Variants in STKLD1 observed in about 807,000 individuals in gnomAD.
STKLD1 encodes the protein serine/threonine kinase like domain containing 1, also known as serine/threonine kinase-like domain-containing protein STKLD1.
A neutral mutation model predicts 80.4 loss-of-function variants in STKLD1; 79 were observed. The observed-to-expected ratio is 0.98, with a 90% CI of 0.82 to 1.19. STKLD1 has a LOEUF of 1.19. STKLD1 is among the 50% of genes most tolerant of loss of function. The pLI, the probability that STKLD1 is intolerant of heterozygous loss-of-function variation, is 0.00. For synonymous variants in STKLD1, 393 were observed against 357.6 expected, an observed-to-expected ratio of 1.10 and a Z score of -1.12; for missense variants, 841 against 856.0, an observed-to-expected ratio of 0.98 and a Z score of 0.22.
chr9:133,395,934 G>A (rs1050964095), intron 9 of STKLD1, 171 bp downstream of exon 9: 35 of 659,624 alleles, frequency 5.3e-5, no homozygotes, highest in South Asian at 2.0e-4. Flanking sequence ...CTCCCAAACC[G>A]TGCTGCGGCG....
At chr9:133,387,201 G>C (rs1480417825) in intron 4 of STKLD1, among the ~76,000 whole-genome samples, 1 of 152,218 alleles carries the variant, frequency 6.6e-6, no homozygotes, top group East Asian at 1.9e-4. Flanking sequence ...GACAAGTGCA[G>C]CTTTTGGGAA....
chr9:133,396,884 G>A (rs1028341763), intron 9 of STKLD1, among the ~76,000 whole-genome samples: 1 of 152,144 alleles, frequency 6.6e-6, no homozygotes, highest in Non-Finnish European at 1.5e-5. Flanking sequence ...GGAGGCAGGG[G>A]ACAAGAGCAA....
rs2130274093 is a variant in STKLD1, at chr9:133,385,242, G to A, written c.220-375G>A. ...AGGGCAGGGGCACCGGGACCTCTCC[G>A]TGTGCCCACCTCCCGGTGTCTGCAC... On this transcript the variant is annotated intron_variant, in intron 3 of 17. Transcript: ENST00000371957. This position sits in a 1 kb window ranked among gnomAD's most constrained non-coding sequence, Gnocchi z 4.9. Among the ~76,000 whole-genome samples, 829 of 152,272 alleles carry A rather than the reference G, an allele frequency of 5.4e-3. 8 individuals are homozygous for A. The highest frequency in any genetic ancestry group is 0.019 in the African/African-American group (781 of 41,540).
At chr9:133,397,076 G>T in intron 9 of STKLD1, 88 bp from the exon 10 acceptor site, 2 of 1,575,958 alleles carry the variant, frequency 1.3e-6, no homozygotes, top group South Asian at 2.3e-5. Flanking sequence ...CCAATGGGCA[G>T]CCCGGAGCCA....
At chr9:133,391,407 T>G (rs1300939507) in intron 7 of STKLD1, among the ~76,000 whole-genome samples, 3 of 150,486 alleles carry the variant, frequency 2.0e-5, no homozygotes, top group Admixed American at 6.6e-5. Context: ...GCAATGGCGG[T>G]TTTGTGGAAT....
At chr9:133,382,710 G>A (rs2130270886) in intron 2 of STKLD1, among the ~76,000 whole-genome samples, 1 of 151,604 alleles carries the variant, frequency 6.6e-6, no homozygotes, top group Non-Finnish European at 1.5e-5. Flanking sequence ...TAATAGTGGG[G>A]ATGGTGACAG....
In STKLD1 at chr9:133,384,167, G is replaced by A. The variant is rs1350365307; in HGVS notation, c.219+267G>A. On this transcript the variant is annotated intron_variant, in intron 3 of 17. Transcript: ENST00000371957. This position sits in a 1 kb window ranked among gnomAD's most constrained non-coding sequence, Gnocchi z 4.3. Reference sequence around the variant, plus strand: ...AAAATTTAAATATTGGGCTGGGCACGGTGGCTCACATTTGTAATCCCACCA... The same window carrying A: ...AAAATTTAAATATTGGGCTGGGCACAGTGGCTCACATTTGTAATCCCACCA... 2.1e-5 allele frequency: 9 copies of A among 421,136 alleles called. No homozygotes were observed. The highest frequency in any genetic ancestry group is 3.5e-5 in the Non-Finnish European group (8 of 230,436). The allele number at this position is 421,136 out of a possible 1,614,324, so 26.1% of individuals were successfully genotyped here. A position where few individuals can be genotyped will look rare whatever the true frequency, so the allele number is the denominator to read the frequency against.
intron 14 of STKLD1, among the ~76,000 whole-genome samples, 168 bp from the exon 15 acceptor site, chr9:133,403,532 G>C (rs1425055202): frequency 4.6e-5 from 7 of 152,208 alleles, no homozygotes; most frequent in Non-Finnish European, 8.8e-5. Flanking sequence ...GATTCTCCAA[G>C]CCTCTCCTGG....
At chr9:133,392,116 G>A (rs1437256683) in intron 7 of STKLD1, among the ~76,000 whole-genome samples, 1 of 141,944 alleles carries the variant, frequency 7.0e-6, no homozygotes, top group Non-Finnish European at 1.5e-5. Flanking sequence ...TCGCTCTGTC[G>A]CCCAGGCTGG....
At chr9:133,379,219 C>G in intron 2 of STKLD1, 97 bp downstream of exon 2, 1 of 1,053,114 alleles carries the variant, frequency 9.5e-7, no homozygotes, top group South Asian at 1.5e-5. Flanking sequence ...CTTCCTGATG[C>G]GGCAGCTGGA....
In STKLD1 at chr9:133,402,880, T is replaced by A; in HGVS notation, c.1342T>A (p.Ser448Thr). The change falls in exon 14 of 18, where the codon TCA (serine) becomes ACA (threonine). Residue 448 changes from serine (S) to threonine (T), a missense_variant and splice_region_variant. By Grantham distance (58) the Ser-to-Thr change is moderately conservative. Transcript: ENST00000371957. ...SLLAITTTQE[S>T]ESLSEELQNA... ...CCCTCATTCTGGCTCACCCACAGAGTCAGAGTCACTGTCAGAGGAGCTGCA... is the reference window on the plus strand; with the variant it reads ...CCCTCATTCTGGCTCACCCACAGAGACAGAGTCACTGTCAGAGGAGCTGCA... 6.3e-7 allele frequency: 1 copy of A among 1,596,140 alleles called. No homozygotes were observed. Among genetic ancestry groups the A allele is most frequent in the Non-Finnish European group, 8.5e-7 (1 of 1,171,762 alleles).
intron 9 of STKLD1, 55 bp from the exon 10 acceptor site, chr9:133,397,109 G>C: frequency 6.2e-7 from 1 of 1,608,874 alleles, no homozygotes; most frequent in East Asian, 2.2e-5. Context: ...GAGCCCCACG[G>C]GGAGGTGGCA....
chr9:133,378,302 G>A (rs1361331326), intron 1 of STKLD1, among the ~76,000 whole-genome samples: 1 of 152,090 alleles, frequency 6.6e-6, no homozygotes, highest in Non-Finnish European at 1.5e-5. Context: ...CTCCTCCTCT[G>A]GGTCCTGCCC....
rs148243189 is a variant in STKLD1, at chr9:133,389,526, T to C, written c.397T>C (p.Trp133Arg). ...RKAKKIIDSEWMQNVLGQVLD... is the reference protein window; with the variant it reads ...RKAKKIIDSERMQNVLGQVLD... ...CTGGCACCCCCTACTTCTCCCCCAG[T>C]GGATGCAGAATGTGCTGGGCCAGGT... Residue 133 changes from tryptophan to arginine, a missense_variant and splice_region_variant, in exon 6 of 18, where the codon TGG (tryptophan) becomes CGG (arginine). Coordinates refer to ENST00000371957, the MANE Select transcript of STKLD1 (RefSeq NM_153710.5). The surrounding 1 kb of genome is among the most constrained non-coding windows in gnomAD (Gnocchi z 6.4). 1.9e-6 allele frequency: 3 copies of C among 1,613,020 alleles called. No individual in the cohort carries two copies. The African/African-American group carries it at 4.0e-5, about 22-fold the overall frequency.
rs2130274199 is a variant in STKLD1, at chr9:133,385,257, G to A, written c.220-360G>A. Among the ~76,000 whole-genome samples, 195 of 152,276 alleles carry A rather than the reference G, an allele frequency of 1.3e-3. No individual in the cohort carries two copies. The highest frequency in any genetic ancestry group is 3.4e-3 in the Middle Eastern group (1 of 294). ...GGACCTCTCCGTGTGCCCACCTCCC[G>A]GTGTCTGCACCACCTCCTCCAGCCA... On this transcript the variant is annotated intron_variant, in intron 3 of 17. Transcript: ENST00000371957. This position sits in a 1 kb window ranked among gnomAD's most constrained non-coding sequence, Gnocchi z 4.9.
chr9:133,387,307 G>A (rs111641026), intron 4 of STKLD1, 140 bp from the exon 5 acceptor site: 4 of 626,972 alleles, frequency 6.4e-6, no homozygotes, highest in African/African-American at 3.7e-5. Flanking sequence ...GGCAGGAGGG[G>A]CTTGTAGCCC....
intron 2 of STKLD1, among the ~76,000 whole-genome samples, chr9:133,380,652 A>C (rs2130264181): frequency 6.6e-6 from 1 of 152,112 alleles, no homozygotes; most frequent in Admixed American, 6.5e-5. Flanking sequence ...GACTCTGTCT[A>C]AATTAATTAA....
chr9:133,386,733 A>T (rs1838272469), intron 4 of STKLD1, among the ~76,000 whole-genome samples: 1 of 152,202 alleles, frequency 6.6e-6, no homozygotes, highest in African/African-American at 2.4e-5. Context: ...GTCACTTCTG[A>T]TGGGACTGAG....
chr9:133,376,408 G>C lies in STKLD1; in HGVS notation c.-66G>C, dbSNP rs1837946703. The C allele has an allele frequency of 6.8e-7, 1 of 1,467,400 alleles. No individual in the cohort carries two copies. The highest frequency in any genetic ancestry group is 1.5e-5 in the African/African-American group (1 of 67,350). The allele number at this position is 1,467,400 out of a possible 1,614,324, so 90.9% of individuals were successfully genotyped here. ...CGTTCGGGCGGGGAGGATCCCGCGG[G>C]TCCCACTGACCCACGCGGGGTGGGG... On this transcript the variant is annotated 5_prime_UTR_variant, in exon 1 of 18. Coordinates refer to ENST00000371957, the MANE Select transcript of STKLD1 (RefSeq NM_153710.5).
Sources: allele counts gnomAD v4.1 joint callset (sites outside exome capture counted in the v4.1 genomes callset), GRCh38; gene constraint gnomAD v4.1.1; non-coding constraint Gnocchi (gnomAD v3.1); transcripts MANE v1.5; gene names NCBI Gene and HGNC (gene_info 2026-07-23, HGNC 2026-07-21).